FSIP2: variants seen among roughly 807,000 people sequenced by gnomAD.
FSIP2 encodes fibrous sheath-interacting protein 2.
FSIP2 carries 367 observed loss-of-function variants against 510.5 expected under a neutral mutation model. The ratio of observed to expected loss-of-function variants is 0.72; its 90% CI spans 0.66 to 0.78. The LOEUF (loss-of-function observed/expected upper bound fraction) is 0.78. Ranked by LOEUF, FSIP2 falls within the 30% of genes least tolerant of loss-of-function variation. FSIP2 has a pLI of 0.00. For synonymous variants in FSIP2, 2,601 were observed against 2,732.2 expected, an observed-to-expected ratio of 0.95 and a Z score of 1.50; for missense variants, 7,594 against 7,901.7, an observed-to-expected ratio of 0.96 and a Z score of 1.48.
At chr2:185,817,005 GAGA>G (rs1693840616) in intron 19 of FSIP2, among the ~76,000 whole-genome samples, 1 of 136,708 alleles carries the variant, frequency 7.3e-6, no homozygotes, top group Non-Finnish European at 1.6e-5. Context: ...AGGGGAGGGA[GAGA>G]GGGGTGAAGA....
At position 185,794,681 on chromosome 2, in the gene FSIP2, A is replaced by C; in HGVS notation, c.7545A>C (p.Ile2515=). 2.0e-6 allele frequency: 3 copies of C among 1,533,834 alleles called. No homozygotes were observed. Among genetic ancestry groups the C allele is most frequent in the Non-Finnish European group, 2.6e-6 (3 of 1,145,528 alleles). ...LPPLNETANF[I]SNSKIKTSDT... Reference sequence around the variant, plus strand: ...CACTTAATGAAACTGCCAACTTTATATCTAATTCTAAGATTAAAACATCAG... The same window carrying C: ...CACTTAATGAAACTGCCAACTTTATCTCTAATTCTAAGATTAAAACATCAG... The change falls in exon 16 of 23, where the codon ATA becomes ATC. Residue 2515 remains isoleucine (I), a synonymous_variant. Coordinates refer to ENST00000424728, the MANE Select transcript of FSIP2 (RefSeq NM_173651.4).
At chr2:185,743,640 TACTTTTAAAA>T (rs1691969669) in intron 3 of FSIP2, among the ~76,000 whole-genome samples, 1 of 152,226 alleles carries the variant, frequency 6.6e-6, no homozygotes, top group Admixed American at 6.5e-5. Flanking sequence ...ATGTTCCATA[TACTTTTAAAA>T]ACTTGAGATG....
At chr2:185,759,753 C>A (rs866561638) in intron 9 of FSIP2, among the ~76,000 whole-genome samples, 5 of 149,032 alleles carry the variant, frequency 3.4e-5, no homozygotes, top group Non-Finnish European at 7.5e-5. Flanking sequence ...TATTATAATG[C>A]CTTGTATATT....
chr2:185,757,623 A>T (rs2105550939), intron 9 of FSIP2, among the ~76,000 whole-genome samples: 2 of 151,390 alleles, frequency 1.3e-5, no homozygotes, highest in Middle Eastern at 6.8e-3. Flanking sequence ...TTGAGTCATG[A>T]GTGTGAACTC....
chr2:185,765,131 G>A (rs543158140), intron 13 of FSIP2: 5 of 151,818 alleles, frequency 3.3e-5, no homozygotes, highest in South Asian at 2.1e-4. Context: ...CTTTACTGTC[G>A]GTTTATTGGG....
chr2:185,738,490 G>C, upstream of FSIP2: 1 of 987,500 alleles, frequency 1.0e-6, no homozygotes, highest in Non-Finnish European at 1.5e-6. Flanking sequence ...ATGTAGAATG[G>C]GCAAAAACAA....
Position 185,805,046 on chromosome 2 carries a change from T to C in FSIP2, c.15740T>C (p.Phe5247Ser). The C allele has an allele frequency of 5.0e-6, 8 of 1,599,220 alleles. No individual in the cohort carries two copies. Among genetic ancestry groups the C allele is most frequent in the Non-Finnish European group, 6.8e-6 (8 of 1,175,860 alleles). The change falls in exon 17 of 23, where the codon TTC becomes TCC. Residue 5247 changes from phenylalanine to serine, a missense_variant. Transcript: ENST00000424728. ...QPFLHGEESS[F>S]SDLSDYDHVS... is the part of the protein sequence containing the mutation. Reference sequence around the variant, plus strand: ...TTTTTACATGGTGAAGAATCATCTTTCAGTGACTTATCTGATTATGACCAT... The same window carrying C: ...TTTTTACATGGTGAAGAATCATCTTCCAGTGACTTATCTGATTATGACCAT...
intron 19 of FSIP2, among the ~76,000 whole-genome samples, chr2:185,822,036 G>T (rs1218413439): frequency 6.6e-6 from 1 of 151,826 alleles, no homozygotes; most frequent in Non-Finnish European, 1.5e-5. Context: ...TGGATAAAAG[G>T]ACTCAGCAGA....
intron 13 of FSIP2, among the ~76,000 whole-genome samples, chr2:185,771,613 T>C (rs1202251161): frequency 2.0e-5 from 3 of 152,138 alleles, no homozygotes; most frequent in Non-Finnish European, 4.4e-5. Context: ...CCTAAAACCA[T>C]TCTTTCCTCC....
rs1471469244 is a variant in FSIP2 at position 185,790,189 on chromosome 2, C to G, written c.3053C>G (p.Ser1018Ter). 1 of 1,531,218 alleles carries G rather than the reference C, an allele frequency of 6.5e-7. No homozygotes were observed. The highest frequency in any genetic ancestry group is 8.7e-7 in the Non-Finnish European group (1 of 1,144,640). 94.9% of individuals were successfully genotyped at this position (1,531,218 alleles called of 1,614,324 possible). Residue 1018 changes from serine to a stop codon, truncating the protein, a stop_gained, in exon 16 of 23, where the codon TCA becomes TGA. Transcript: ENST00000424728. LOFTEE classifies it high-confidence loss of function. ...AATATTGTAAAAAATGTGCTTGATTCAACTTTCAAAGATGAAAAAGTAAAA... is the reference window on the plus strand; with the variant it reads ...AATATTGTAAAAAATGTGCTTGATTGAACTTTCAAAGATGAAAAAGTAAAA... ...IDNIVKNVLD[S>*]TFKDEKVKSQ... is the part of the protein sequence containing the mutation.
chr2:185,816,200 A>AT (rs74860943), intron 19 of FSIP2, among the ~76,000 whole-genome samples: 123 of 149,056 alleles, frequency 8.3e-4, no homozygotes, highest in Admixed American at 1.8e-3. Flanking sequence ...AAATCTAGTG[A>AT]TTTTTTTTTT....
At position 185,808,514 on chromosome 2, in the gene FSIP2, C is replaced by T; in HGVS notation, c.19208C>T (p.Ser6403Phe). 1 of 1,611,558 alleles carries T rather than the reference C, an allele frequency of 6.2e-7. No homozygotes were observed. Among genetic ancestry groups the T allele is most frequent in the Non-Finnish European group, 8.5e-7 (1 of 1,179,034 alleles). ...ISRSSISLIASDPEEHCLNPE... is the reference protein window; with the variant it reads ...ISRSSISLIAFDPEEHCLNPE... ...AGAAGTAGCATTAGTCTAATAGCTTCTGATCCTGAAGAGCACTGTTTAAAT... is the reference window on the plus strand; with the variant it reads ...AGAAGTAGCATTAGTCTAATAGCTTTTGATCCTGAAGAGCACTGTTTAAAT... The change falls in exon 17 of 23, where the codon TCT (serine) becomes TTT (phenylalanine). Residue 6403 changes from serine (S) to phenylalanine (F), a missense_variant. Coordinates refer to ENST00000424728, the MANE Select transcript of FSIP2 (RefSeq NM_173651.4).
Position 185,762,007 on chromosome 2 carries a change from C to A in FSIP2, c.1230C>A (p.Phe410Leu), listed in dbSNP as rs549124494. The change falls in exon 11 of 23, where the codon TTC (phenylalanine) becomes TTA (leucine). Residue 410 changes from phenylalanine (F) to leucine (L), a missense_variant. By Grantham distance (22) the Phe-to-Leu change is conservative. Coordinates refer to ENST00000424728, the MANE Select transcript of FSIP2 (RefSeq NM_173651.4). Reference sequence around the variant, plus strand: ...TGGTATCTAAAAACTCAAGTATTTTCGATGATAGAGGTAAGAAAATAAACA... The same window carrying A: ...TGGTATCTAAAAACTCAAGTATTTTAGATGATAGAGGTAAGAAAATAAACA... ...DGMVSKNSSI[F>L]DDRGGINISG... is the part of the protein sequence containing the mutation. 5.5e-6 allele frequency: 8 copies of A among 1,463,802 alleles called. No individual in the cohort carries two copies. Among genetic ancestry groups the A allele is most frequent in the Non-Finnish European group, 7.4e-6 (8 of 1,084,864 alleles). The allele number at this position is 1,463,802 out of a possible 1,614,324, so 90.7% of individuals were successfully genotyped here.
In FSIP2 at chr2:185,790,837, C is replaced by T; in HGVS notation, c.3701C>T (p.Ser1234Phe). The T allele has an allele frequency of 6.5e-7, 1 of 1,532,812 alleles. No individual in the cohort carries two copies. Among genetic ancestry groups the T allele is most frequent in the African/African-American group, 1.4e-5 (1 of 72,888 alleles). The allele number at this position is 1,532,812 out of a possible 1,614,324, so 95.0% of individuals were successfully genotyped here. A position where few individuals can be genotyped will look rare whatever the true frequency, so the allele number is the denominator to read the frequency against. The change falls in exon 16 of 23, where the codon TCT becomes TTT. Residue 1234 changes from serine to phenylalanine, a missense_variant. Ser to Phe is a radical substitution (Grantham distance 155, BLOSUM62 -2). Coordinates refer to ENST00000424728, the MANE Select transcript of FSIP2 (RefSeq NM_173651.4). The stretch of plus-strand genomic sequence containing the variant: ...AGTGAAAAGAAAATGAAATATTTAT[C>T]TTTATTTGACGTTGATCCTGAAAAG... ...FDSEKKMKYL[S>F]LFDVDPEKPP...
rs1290425372 is a variant in FSIP2, at chr2:185,803,775, T to C, written c.14469T>C (p.Ser4823=). 5 of 1,528,570 alleles carry C rather than the reference T, an allele frequency of 3.3e-6. No individual in the cohort carries two copies. Among genetic ancestry groups the C allele is most frequent in the Non-Finnish European group, 4.4e-6 (5 of 1,142,586 alleles). 94.7% of individuals were successfully genotyped at this position (1,528,570 alleles called of 1,614,324 possible). A position where few individuals can be genotyped will look rare whatever the true frequency, so the allele number is the denominator to read the frequency against. ...CAGATACTACTAAATCAGACTTAAGTAATACAGTGATAAAACTGATAAATG... is the reference window on the plus strand; with the variant it reads ...CAGATACTACTAAATCAGACTTAAGCAATACAGTGATAAAACTGATAAATG... ...EQSDTTKSDL[S]NTVIKLINEI... The change falls in exon 17 of 23, where the codon AGT becomes AGC. Residue 4823 remains serine (S), a synonymous_variant. Coordinates refer to ENST00000424728, the MANE Select transcript of FSIP2 (RefSeq NM_173651.4).
At chr2:185,787,024 T>C (rs1024970261) in intron 15 of FSIP2, among the ~76,000 whole-genome samples, 4 of 151,856 alleles carry the variant, frequency 2.6e-5, no homozygotes, top group African/African-American at 9.7e-5. Flanking sequence ...GGTTGGAATC[T>C]CTTCGCCGTA....
At position 185,792,166 on chromosome 2, in the gene FSIP2, A is replaced by G. The variant is rs1274057365; in HGVS notation, c.5030A>G (p.Gln1677Arg). ...GTAGAAAACCCACCACCTGAGACTC[A>G]AATACTTAAGTATGTAGTCAAGTTA... Reference protein sequence around the residue: ...TSVENPPPETQILKYVVKLIL... With the variant: ...TSVENPPPETRILKYVVKLIL... The change falls in exon 16 of 23, where the codon CAA (glutamine) becomes CGA (arginine). Residue 1677 changes from glutamine (Q) to arginine (R), a missense_variant. Gln to Arg is a conservative substitution (Grantham distance 43). Coordinates refer to ENST00000424728, the MANE Select transcript of FSIP2 (RefSeq NM_173651.4). The G allele has an allele frequency of 6.5e-6, 10 of 1,532,660 alleles. No individual in the cohort carries two copies. Among genetic ancestry groups the G allele is most frequent in the Middle Eastern group, 1.7e-4 (1 of 5,988 alleles). 94.9% of individuals were successfully genotyped at this position (1,532,660 alleles called of 1,614,324 possible). A position where few individuals can be genotyped will look rare whatever the true frequency, so the allele number is the denominator to read the frequency against.
upstream of FSIP2, chr2:185,738,485 G>A: frequency 5.3e-6 from 5 of 937,182 alleles, no homozygotes; most frequent in Non-Finnish European, 6.3e-6. Flanking sequence ...GGAAGATGTA[G>A]AATGGGCAAA....
chr2:185,794,945 G>C lies in FSIP2; in HGVS notation c.7809G>C (p.Gln2603His), dbSNP rs770175636. 6.5e-7 allele frequency: 1 copy of C among 1,533,992 alleles called. No individual in the cohort carries two copies. Among genetic ancestry groups the C allele is most frequent in the South Asian group, 1.2e-5 (1 of 83,996 alleles). Residue 2603 changes from glutamine to histidine, a missense_variant, in exon 16 of 23, where the codon CAG becomes CAC. Physicochemically the swap from Gln to His is conservative, Grantham distance 24. Coordinates refer to ENST00000424728, the MANE Select transcript of FSIP2 (RefSeq NM_173651.4). ...ISNSPRYAISQAYSYVDSQNI... is the reference protein window; with the variant it reads ...ISNSPRYAISHAYSYVDSQNI... ...ATTCCCCTAGATATGCGATATCACA[G>C]GCTTATTCTTATGTCGACAGTCAAA...
Sources: allele counts gnomAD v4.1 joint callset (sites outside exome capture counted in the v4.1 genomes callset), GRCh38; gene constraint gnomAD v4.1.1; transcripts MANE v1.5; gene names NCBI Gene and HGNC (gene_info 2026-07-23, HGNC 2026-07-21).